The following FGF12 variants were observed in gnomAD, a reference collection of about 807,000 sequenced individuals.
FGF12 encodes fibroblast growth factor 12.
Under a neutral mutation model 23.6 loss-of-function variants are expected in FGF12, and 14 were observed. The observed-to-expected ratio is 0.59, with a 90% CI of 0.39 to 0.93. The LOEUF is 0.93. Among genes scored for constraint, FGF12 ranks in the 40% least tolerant of loss-of-function variants. FGF12 has a pLI of 0.00. For missense variants in FGF12, 175 were observed against 217.8 expected (o/e 0.80, Z 1.24); for synonymous variants, 62 against 77.3 (o/e 0.80, Z 1.04).
intron 2 of FGF12, among the ~76,000 whole-genome samples, chr3:192,375,840 G>A (rs1560090707): frequency 6.6e-6 from 1 of 151,960 alleles, no homozygotes; most frequent in Non-Finnish European, 1.5e-5. Context: ...CAGCATTCTG[G>A]AAAAAAATTT....
chr3:192,474,287 T>A (rs762601557), intron 2 of FGF12, among the ~76,000 whole-genome samples: 2 of 152,234 alleles, frequency 1.3e-5, no homozygotes, highest in Non-Finnish European at 1.5e-5. Flanking sequence ...TTTTGTCAGT[T>A]CAGAATTTCT....
intron 2 of FGF12, among the ~76,000 whole-genome samples, chr3:192,530,987 G>T (rs2108850987): frequency 6.6e-6 from 1 of 152,152 alleles, no homozygotes; most frequent in East Asian, 1.9e-4. Context: ...GCTAATTTTT[G>T]TATTTTTAGT....
chr3:192,195,812 A>G (rs1465670647), intron 4 of FGF12, among the ~76,000 whole-genome samples: 2 of 152,230 alleles, frequency 1.3e-5, no homozygotes, highest in Admixed American at 1.3e-4. Flanking sequence ...TGAAATGGTT[A>G]AATATACCTA....
intron 2 of FGF12, among the ~76,000 whole-genome samples, chr3:192,464,254 G>C (rs939740281): frequency 6.6e-6 from 1 of 152,068 alleles, no homozygotes; most frequent in Non-Finnish European, 1.5e-5. Context: ...GGTGTATACT[G>C]TACCCAGTGG....
intron 4 of FGF12, among the ~76,000 whole-genome samples, chr3:192,327,659 C>A (rs1286109656): frequency 6.6e-6 from 1 of 150,584 alleles, no homozygotes; most frequent in Non-Finnish European, 1.5e-5. Context: ...AAAAAAGGTC[C>A]AATGTTTGCC....
At chr3:192,704,463 C>A (rs1718402998) in intron 2 of FGF12, among the ~76,000 whole-genome samples, 1 of 152,164 alleles carries the variant, frequency 6.6e-6, no homozygotes, top group African/African-American at 2.4e-5. Flanking sequence ...CAGTAAGTCT[C>A]AATAGTGGGC....
At chr3:192,680,462 G>C (rs957065238) in intron 2 of FGF12, among the ~76,000 whole-genome samples, 1 of 152,140 alleles carries the variant, frequency 6.6e-6, no homozygotes, top group Admixed American at 6.6e-5. Context: ...AGTGGGGGGA[G>C]GTTATGAAGA....
chr3:192,595,902 G>C (rs1713821301), intron 2 of FGF12, among the ~76,000 whole-genome samples: 1 of 151,962 alleles, frequency 6.6e-6, no homozygotes, highest in African/African-American at 2.4e-5. Flanking sequence ...AGACCAGCCT[G>C]ACCAACATGG....
chr3:192,330,789 G>T (rs1243760506), intron 4 of FGF12, among the ~76,000 whole-genome samples: 1 of 151,998 alleles, frequency 6.6e-6, no homozygotes, highest in East Asian at 1.9e-4. Flanking sequence ...CATGACACTG[G>T]ATTTGGCAAC....
chr3:192,255,873 T>C (rs1231145294), intron 4 of FGF12, among the ~76,000 whole-genome samples: 3 of 152,080 alleles, frequency 2.0e-5, no homozygotes, highest in Admixed American at 6.6e-5. Context: ...CGAAGTTATA[T>C]GGCATTTCAT....
At chr3:192,398,074 T>C (rs1720601391) in intron 2 of FGF12, among the ~76,000 whole-genome samples, 1 of 152,092 alleles carries the variant, frequency 6.6e-6, no homozygotes, top group Non-Finnish European at 1.5e-5. Context: ...TAAAAAAAAA[T>C]CTAAAACACT....
At chr3:192,170,795 C>T (rs1577199983) in intron 4 of FGF12, 139 bp from the exon 5 acceptor site, 3 of 716,590 alleles carry the variant, frequency 4.2e-6, no homozygotes, top group Admixed American at 6.1e-5. Flanking sequence ...TTTCTATTAG[C>T]CTTTGGTTAC....
intron 2 of FGF12, among the ~76,000 whole-genome samples, chr3:192,579,116 A>G (rs759891133): frequency 1.3e-5 from 2 of 152,188 alleles, no homozygotes; most frequent in Non-Finnish European, 2.9e-5. Context: ...TTTTTCTGAA[A>G]TAGACAATGG....
intron 2 of FGF12, among the ~76,000 whole-genome samples, chr3:192,661,179 C>A (rs1716656731): frequency 6.6e-6 from 1 of 151,978 alleles, no homozygotes; most frequent in Admixed American, 6.6e-5. Flanking sequence ...ACAAAATAGC[C>A]AAATTAATCC....
chr3:192,271,179 C>T (rs2108628359), intron 4 of FGF12, among the ~76,000 whole-genome samples: 1 of 152,244 alleles, frequency 6.6e-6, no homozygotes, highest in South Asian at 2.1e-4. Flanking sequence ...AAGAATAAGC[C>T]TCATGTTTGA....
chr3:192,353,582 G>T (rs1204103610), intron 3 of FGF12, among the ~76,000 whole-genome samples: 1 of 152,006 alleles, frequency 6.6e-6, no homozygotes, highest in Admixed American at 6.6e-5. Flanking sequence ...TGTTAGCCAG[G>T]ATGGTCTCGA....
chr3:192,286,192 T>A (rs1279152630), intron 4 of FGF12, among the ~76,000 whole-genome samples: 1 of 151,990 alleles, frequency 6.6e-6, no homozygotes, highest in African/African-American at 2.4e-5. Flanking sequence ...CTGAATTGTA[T>A]ATCATCGGAT....
At chr3:192,392,096 A>C (rs1180625072) in intron 2 of FGF12, among the ~76,000 whole-genome samples, 1 of 152,220 alleles carries the variant, frequency 6.6e-6, no homozygotes, top group Non-Finnish European at 1.5e-5. Flanking sequence ...TGATCTGAGG[A>C]ACTATTATAG....
At chr3:192,352,951 T>C (rs572926407) in intron 3 of FGF12, among the ~76,000 whole-genome samples, 9 of 152,298 alleles carry the variant, frequency 5.9e-5, no homozygotes, top group Non-Finnish European at 8.8e-5. Flanking sequence ...TGCCTGCTGG[T>C]AACATATCTT....
Sources: allele counts gnomAD v4.1 joint callset (sites outside exome capture counted in the v4.1 genomes callset), GRCh38; gene constraint gnomAD v4.1.1; transcripts MANE v1.5; gene names NCBI Gene and HGNC (gene_info 2026-07-23, HGNC 2026-07-21).